FBXL5: variants seen among roughly 807,000 people sequenced by gnomAD.
FBXL5 encodes the protein F-box/LRR-repeat protein 5.
In FBXL5, 26 loss-of-function variants were observed where a neutral mutation model predicts 78.3. The observed-to-expected ratio is 0.33, with a 90% CI of 0.24 to 0.46. FBXL5 has a LOEUF of 0.46. Among genes scored for constraint, FBXL5 ranks in the 20% least tolerant of loss-of-function variants. The probability of loss-of-function intolerance (pLI) is 1.00; values close to 1 mark genes in which losing one functional copy is unlikely to be tolerated. For missense variants in FBXL5, 710 were observed against 829.2 expected (o/e 0.86, Z 1.77); for synonymous variants, 295 against 282.5 (o/e 1.04, Z -0.45).
At chr4:15,650,698 C>T (rs999928475) in intron 1 of FBXL5, among the ~76,000 whole-genome samples, 2 of 123,906 alleles carry the variant, frequency 1.6e-5, no homozygotes, top group South Asian at 2.8e-4. Flanking sequence ...GACAGAGTCT[C>T]ACTCTGTCGC....
intron 5 of FBXL5, chr4:15,636,281 A>G (rs1261038996): frequency 2.5e-6 from 1 of 403,200 alleles, no homozygotes; most frequent in Non-Finnish European, 4.4e-6. Flanking sequence ...ATATTTTCCT[A>G]ATTTTTTTTA....
intron 1 of FBXL5, among the ~76,000 whole-genome samples, chr4:15,666,866 A>G (rs1717568573): frequency 6.6e-6 from 1 of 151,826 alleles, no homozygotes; most frequent in African/African-American, 2.4e-5. Context: ...CAAATGTCCC[A>G]CCATTAAAAA....
intron 1 of FBXL5, among the ~76,000 whole-genome samples, chr4:15,678,280 A>AT (rs1718068013): frequency 6.6e-6 from 1 of 152,164 alleles, no homozygotes; most frequent in African/African-American, 2.4e-5. Flanking sequence ...GGCTTCATTA[A>AT]TTTTTTACAC....
intron 1 of FBXL5, among the ~76,000 whole-genome samples, chr4:15,666,025 A>T (rs544768576): frequency 1.2e-3 from 180 of 149,616 alleles, no homozygotes; most frequent in South Asian, 9.2e-3. Flanking sequence ...CCTTTTTTTA[A>T]AAAAAAAAAA....
At chr4:15,673,905 A>C (rs2148818006) in intron 1 of FBXL5, among the ~76,000 whole-genome samples, 1 of 152,234 alleles carries the variant, frequency 6.6e-6, no homozygotes, top group East Asian at 1.9e-4. Context: ...CAATCATAGG[A>C]CTCACTTTGT....
At chr4:15,675,491 A>AC (rs1229151930) in intron 1 of FBXL5, among the ~76,000 whole-genome samples, 1 of 151,766 alleles carries the variant, frequency 6.6e-6, no homozygotes, top group Non-Finnish European at 1.5e-5. Context: ...AGTCTTAGCT[A>AC]CCACACAGGC....
At chr4:15,618,970 A>G (rs941404747) in intron 9 of FBXL5, among the ~76,000 whole-genome samples, 1 of 151,418 alleles carries the variant, frequency 6.6e-6, no homozygotes, top group Admixed American at 6.6e-5. Context: ...CCTAAGCAAC[A>G]TGGTGAAACC....
At chr4:15,641,454 C>T (rs900657445) in intron 2 of FBXL5, 25 of 357,528 alleles carry the variant, frequency 7.0e-5, no homozygotes, top group Non-Finnish European at 1.2e-4. Flanking sequence ...TCCACTTCCA[C>T]TTAATAAATA....
intron 1 of FBXL5, among the ~76,000 whole-genome samples, chr4:15,654,239 T>C (rs981622604): frequency 1.3e-5 from 2 of 152,238 alleles, no homozygotes; most frequent in South Asian, 2.1e-4. Context: ...CAGTAGTCAT[T>C]TGAATGCTTT....
rs184720225 is a variant in FBXL5 at position 15,636,819 on chromosome 4, A to G, written c.584-143T>C. On this transcript the variant is annotated intron_variant, in intron 4 of 10. Coordinates refer to ENST00000341285, the MANE Select transcript of FBXL5 (RefSeq NM_012161.4). ...AAGATGTGAAAATGAAATAACATGTATTAGAGGTAACATGGGGATGTTAAA... is the reference window on the plus strand; with the variant it reads ...AAGATGTGAAAATGAAATAACATGTGTTAGAGGTAACATGGGGATGTTAAA... 504 of 590,470 alleles carry G rather than the reference A, an allele frequency of 8.5e-4. 1 individual carries two copies. The highest frequency in any genetic ancestry group is 8.5e-3 in the African/African-American group (456 of 53,958). 36.6% of individuals were successfully genotyped at this position (590,470 alleles called of 1,614,324 possible).
At chr4:15,641,226 A>G (rs766664398) in intron 2 of FBXL5, among the ~76,000 whole-genome samples, 2 of 152,182 alleles carry the variant, frequency 1.3e-5, no homozygotes, top group Non-Finnish European at 1.5e-5. Context: ...GGACTGTATC[A>G]TTACAGAATC....
intron 1 of FBXL5, among the ~76,000 whole-genome samples, chr4:15,679,161 C>G (rs2148834414): frequency 6.7e-6 from 1 of 149,870 alleles, no homozygotes; most frequent in East Asian, 2.0e-4. Context: ...CTCCTGGGTT[C>G]AAGCGATTCT....
chr4:15,626,375 T>C (rs770914499), intron 8 of FBXL5, among the ~76,000 whole-genome samples: 13 of 152,178 alleles, frequency 8.5e-5, no homozygotes, highest in Non-Finnish European at 1.8e-4. Context: ...GAGAAGAGTA[T>C]ACCTCTTCCT....
chr4:15,630,841 T>C, intron 5 of FBXL5, 50 bp from the exon 6 acceptor site: 1 of 1,602,820 alleles, frequency 6.2e-7, no homozygotes, highest in Non-Finnish European at 8.5e-7. Flanking sequence ...TCAGATTGCC[T>C]GCAATTATGA....
At chr4:15,648,095 G>T (rs970114459) in intron 1 of FBXL5, among the ~76,000 whole-genome samples, 1 of 152,102 alleles carries the variant, frequency 6.6e-6, no homozygotes, top group African/African-American at 2.4e-5. Context: ...GGCTTCAAGC[G>T]ATCCTCCTGA....
intron 10 of FBXL5, among the ~76,000 whole-genome samples, chr4:15,606,587 T>C (rs1258309590): frequency 6.6e-6 from 1 of 152,216 alleles, no homozygotes; most frequent in Non-Finnish European, 1.5e-5. Flanking sequence ...GAATGAATGA[T>C]ATTTTCATAA....
intron 5 of FBXL5, among the ~76,000 whole-genome samples, chr4:15,635,825 T>C (rs1224654302): frequency 3.3e-5 from 5 of 150,830 alleles, no homozygotes; most frequent in Non-Finnish European, 7.4e-5. Flanking sequence ...AAAAAATGTA[T>C]GCTATATTAG....
At position 15,677,642 on chromosome 4, in the gene FBXL5, G is replaced by C. The variant is rs560513177; in HGVS notation, c.-284+3741C>G. 3.2e-4 allele frequency among the ~76,000 whole-genome samples: 48 copies of C among 152,108 alleles called. 1 individual carries two copies. The highest frequency in any genetic ancestry group is 2.9e-4 in the Non-Finnish European group (20 of 68,020). On this transcript the variant is annotated intron_variant, in intron 1 of 4. Transcript: ENST00000507899. ...TCCAAACACATTAATGTGCTGGGAG[G>C]GTGGCACAGAGAGGGCATGAAAGTT...
chr4:15,625,985 T>C lies in FBXL5; in HGVS notation c.1125-8A>G, dbSNP rs372556057. On this transcript the variant is annotated splice_polypyrimidine_tract_variant and splice_region_variant and intron_variant, in intron 8 of 10. Transcript: ENST00000341285. ...CAACCAAGCCAAGACCAACTATAAT[T>C]AAAAGACAAGACTATTAATGAATAT... 41 of 1,540,622 alleles carry C rather than the reference T, an allele frequency of 2.7e-5. No individual in the cohort carries two copies. In the East Asian group the frequency reaches 2.9e-4, roughly 11 times the overall value.
Sources: gnomAD v4.1 joint callset for allele counts (sites outside exome capture counted in the v4.1 genomes callset) on GRCh38, gnomAD v4.1.1 for gene constraint, MANE v1.5 for transcripts, NCBI Gene and HGNC (gene_info 2026-07-23, HGNC 2026-07-21) for gene names.